IL1RAPL2: variants seen among roughly 807,000 people sequenced by gnomAD.
The protein encoded by IL1RAPL2 is X-linked interleukin-1 receptor accessory protein-like 2.
Under a neutral mutation model 44.1 loss-of-function variants are expected in IL1RAPL2, and 3 were observed. That is an observed-to-expected ratio of 0.07 (90% CI 0.03 to 0.18). IL1RAPL2 has a LOEUF of 0.18. IL1RAPL2 is among the 10% of genes least tolerant of loss of function. IL1RAPL2 has a pLI of 1.00. For synonymous variants in IL1RAPL2, 181 were observed against 178.8 expected (o/e 1.01, Z -0.10); for missense variants, 391 against 496.4 (o/e 0.79, Z 2.02).
intron 6 of IL1RAPL2, among the ~76,000 whole-genome samples, chrX:105,488,473 A>C (rs1035029303): frequency 1.7e-4 from 19 of 112,296 alleles, no homozygotes; most frequent in Non-Finnish European, 3.0e-4. Flanking sequence ...ATCACAGACA[A>C]ACCACTGAGC....
At chrX:104,954,788 G>A (rs1009800217) in intron 2 of IL1RAPL2, among the ~76,000 whole-genome samples, 2 of 112,729 alleles carry the variant, frequency 1.8e-5, no homozygotes, top group African/African-American at 6.4e-5. Flanking sequence ...TGGCCATATT[G>A]CAAGGCAGGC....
At chrX:104,772,229 T>C (rs890577531) in intron 2 of IL1RAPL2, among the ~76,000 whole-genome samples, 2 of 112,499 alleles carry the variant, frequency 1.8e-5, no homozygotes, top group Non-Finnish European at 3.8e-5. Context: ...AGAATAAGGA[T>C]AATATTAATT....
chrX:104,767,272 T>G (rs1220027565), intron 2 of IL1RAPL2, among the ~76,000 whole-genome samples: 1 of 111,872 alleles, frequency 8.9e-6, no homozygotes, highest in Non-Finnish European at 1.9e-5. Context: ...GGAAGTTGAT[T>G]CATGTTCTCA....
rs746097441 is a variant in IL1RAPL2, at chrX:104,733,234, G to T, written c.82+74239G>T. On this transcript the variant is annotated intron_variant, in intron 2 of 10. Transcript: ENST00000372582. ...AAGAATAGAAAAATGAAAGTTATGC[G>T]TATTGGAAAGTAAACAACCCAAAAC... Among the ~76,000 whole-genome samples, 9 of 111,458 alleles carry T rather than the reference G, an allele frequency of 8.1e-5. No homozygotes were observed. In the East Asian group the frequency reaches 2.5e-3, roughly 31 times the overall value.
intron 1 of IL1RAPL2, among the ~76,000 whole-genome samples, chrX:104,609,955 A>G (rs993217298): frequency 2.7e-5 from 3 of 111,443 alleles, no homozygotes; most frequent in African/African-American, 9.8e-5. Context: ...ATTTTCAGCC[A>G]TTTTGTGCTG....
intron 3 of IL1RAPL2, chrX:105,219,141 T>A (rs1465697989): frequency 5.8e-6 from 7 of 1,209,065 alleles, no homozygotes; most frequent in Non-Finnish European, 7.8e-6. Context: ...GATGGTCTAT[T>A]CTGTGGGGCC....
chrX:104,763,967 G>C (rs1347978489), intron 2 of IL1RAPL2, among the ~76,000 whole-genome samples: 2 of 111,880 alleles, frequency 1.8e-5, no homozygotes, highest in Admixed American at 1.9e-4. Context: ...CTATTGCTCT[G>C]TAGTATAATT....
At chrX:104,903,690 G>C (rs1015238932) in intron 2 of IL1RAPL2, among the ~76,000 whole-genome samples, 4 of 110,748 alleles carry the variant, frequency 3.6e-5, no homozygotes, top group Non-Finnish European at 7.6e-5. Context: ...TGATTCTCCT[G>C]CCTCAGCCTC....
chrX:104,693,030 C>T (rs959708824), intron 2 of IL1RAPL2, among the ~76,000 whole-genome samples: 3 of 111,721 alleles, frequency 2.7e-5, no homozygotes, highest in East Asian at 5.7e-4. Flanking sequence ...TTTTAATGAT[C>T]GCCATTCTAA....
At chrX:105,702,127 C>A (rs1475609994) in intron 6 of IL1RAPL2, among the ~76,000 whole-genome samples, 2 of 111,485 alleles carry the variant, frequency 1.8e-5, no homozygotes, top group African/African-American at 6.5e-5. Context: ...GGCAACACTT[C>A]CAAAAATGTC....
At chrX:105,059,925 A>C (rs929747910) in intron 2 of IL1RAPL2, among the ~76,000 whole-genome samples, 1 of 112,370 alleles carries the variant, frequency 8.9e-6, no homozygotes, top group Middle Eastern at 4.6e-3. Flanking sequence ...GGGAATGCAG[A>C]TATCTCTTTG....
chrX:104,809,917 T>A (rs1222504310), intron 2 of IL1RAPL2, among the ~76,000 whole-genome samples: 1 of 111,226 alleles, frequency 9.0e-6, no homozygotes, highest in Non-Finnish European at 1.9e-5. Flanking sequence ...TTACTGGGTA[T>A]ATACCCAAAG....
chrX:105,084,291 G>T (rs1319432633), intron 2 of IL1RAPL2, among the ~76,000 whole-genome samples: 1 of 112,658 alleles, frequency 8.9e-6, no homozygotes, highest in Non-Finnish European at 1.9e-5. Context: ...AGCTTGCACA[G>T]TGTGCCTGGA....
chrX:105,079,007 C>T (rs1031622052), intron 2 of IL1RAPL2, among the ~76,000 whole-genome samples: 9 of 112,341 alleles, frequency 8.0e-5, no homozygotes, highest in African/African-American at 2.3e-4. Flanking sequence ...CGCCCTGCTT[C>T]GGCTCACACA....
chrX:105,598,879 C>T (rs184344831), intron 6 of IL1RAPL2, among the ~76,000 whole-genome samples: 2 of 112,578 alleles, frequency 1.8e-5, no homozygotes, highest in East Asian at 5.6e-4. Context: ...ACACACATTT[C>T]CAAATTCCCC....
At chrX:104,828,236 G>A (rs1169277674) in intron 2 of IL1RAPL2, among the ~76,000 whole-genome samples, 1 of 112,225 alleles carries the variant, frequency 8.9e-6, no homozygotes, top group African/African-American at 3.2e-5. Context: ...CAGCCTTTTT[G>A]TGCTGGCTTT....
At chrX:104,880,511 G>A (rs1300880928) in intron 2 of IL1RAPL2, among the ~76,000 whole-genome samples, 1 of 111,500 alleles carries the variant, frequency 9.0e-6, no homozygotes, top group Non-Finnish European at 1.9e-5. Context: ...GACAAGTAAG[G>A]CTGTTTCTTA....
At chrX:104,889,907 G>A (rs1345583353) in intron 2 of IL1RAPL2, among the ~76,000 whole-genome samples, 1 of 110,856 alleles carries the variant, frequency 9.0e-6, no homozygotes, top group Non-Finnish European at 1.9e-5. Flanking sequence ...CTATTAAGTC[G>A]TCATTTACAT....
chrX:104,946,379 C>CAAAAAA (rs1157603029), intron 2 of IL1RAPL2, among the ~76,000 whole-genome samples: 155 of 9,140 alleles, frequency 0.017, 50 homozygotes, highest in South Asian at 0.051. Flanking sequence ...GACTCCGTCT[C>CAAAAAA]AAAAAAAAAA....
Sources: gnomAD v4.1 joint callset for allele counts (sites outside exome capture counted in the v4.1 genomes callset) on GRCh38, gnomAD v4.1.1 for gene constraint, MANE v1.5 for transcripts, NCBI Gene and HGNC (gene_info 2026-07-23, HGNC 2026-07-21) for gene names.